The following RALGPS1 variants were observed in gnomAD, a reference collection of about 807,000 sequenced individuals.
RALGPS1 encodes ras-specific guanine nucleotide-releasing factor RalGPS1.
In RALGPS1, 19 loss-of-function variants were observed where a neutral mutation model predicts 78.8. The ratio of observed to expected loss-of-function variants is 0.24; its 90% CI spans 0.17 to 0.35. The LOEUF is 0.35. RALGPS1 is among the 10% of genes least tolerant of loss of function. The probability of loss-of-function intolerance (pLI) is 1.00; values close to 1 mark genes in which losing one functional copy is unlikely to be tolerated. For missense variants in RALGPS1, 454 were observed against 688.3 expected (o/e 0.66, Z 3.81); for synonymous variants, 228 against 256.3 (o/e 0.89, Z 1.06).
intron 8 of RALGPS1, among the ~76,000 whole-genome samples, chr9:127,162,340 TGA>T (rs2059068317): frequency 4.6e-5 from 7 of 152,360 alleles, no homozygotes; most frequent in Admixed American, 6.5e-5. Context: ...GCACTGTGCC[TGA>T]CATGGTACAA....
Position 127,021,497 on chromosome 9 carries a change from C to CAA in RALGPS1, c.217-12920_217-12919dup, listed in dbSNP as rs397690141. Among the ~76,000 whole-genome samples the CAA allele has an allele frequency of 2.4e-3, 273 of 113,502 alleles. 1 individual carries two copies. Among genetic ancestry groups the CAA allele is most frequent in the African/African-American group, 6.7e-3 (175 of 25,948 alleles). The allele number at this position is 113,502 out of a possible 152,430, so 74.5% of individuals were successfully genotyped here. On this transcript the variant is annotated intron_variant, in intron 4 of 18. Transcript: ENST00000259351. The stretch of plus-strand genomic sequence containing the variant: ...TGGGCAACAAAGGGAGACTCTGTCT[C>CAA]AAAAAAAAAAAAAAAGGCATTCAGA...
intron 4 of RALGPS1, among the ~76,000 whole-genome samples, chr9:127,001,389 ACTTCTTTATTGG>A (rs2043296859): frequency 6.6e-6 from 1 of 151,840 alleles, no homozygotes; most frequent in Non-Finnish European, 1.5e-5. Context: ...TTCCACCTTA[ACTTCTTTATTGG>A]CTTATGAGGT....
At chr9:127,115,330 C>T (rs1189244480) in intron 8 of RALGPS1, among the ~76,000 whole-genome samples, 1 of 152,172 alleles carries the variant, frequency 6.6e-6, no homozygotes, top group African/African-American at 2.4e-5. Context: ...GCTAGGATTA[C>T]AGGTGCCTGT....
rs1006704180 is a variant in RALGPS1 at position 126,915,029 on chromosome 9, ACGGGG to A, written c.-66+74_-66+78del. ...AGAGCGGCGGTGAGAGGCGCGGCCG[ACGGGG>A]CGGGGCGGGGCGGGGCGGGCCCTGA... On this transcript the variant is annotated intron_variant, in intron 1 of 18. Transcript: ENST00000259351. 3.2e-4 allele frequency: 46 copies of A among 145,164 alleles called. No individual in the cohort carries two copies. The East Asian group carries it at 3.5e-3, about 11-fold the overall frequency. 9.0% of individuals were successfully genotyped at this position (145,164 alleles called of 1,614,324 possible).
chr9:127,102,336 T>C (rs2053818054), intron 8 of RALGPS1, among the ~76,000 whole-genome samples: 1 of 151,518 alleles, frequency 6.6e-6, no homozygotes, highest in South Asian at 2.1e-4. Flanking sequence ...ACTTTATTTA[T>C]TTTTTTTGTG....
At chr9:127,088,835 C>T in intron 8 of RALGPS1, 1 of 1,356,654 alleles carries the variant, frequency 7.4e-7, no homozygotes, top group Non-Finnish European at 1.0e-6. Context: ...CCGGTCCTCC[C>T]AGCCTCAGGA....
At chr9:126,954,948 G>A (rs1486269104) in intron 1 of RALGPS1, among the ~76,000 whole-genome samples, 6 of 152,192 alleles carry the variant, frequency 3.9e-5, no homozygotes, top group Non-Finnish European at 8.8e-5. Context: ...TCCAGCCATG[G>A]CCTTCTCCCT....
intron 4 of RALGPS1, among the ~76,000 whole-genome samples, chr9:126,979,777 G>A (rs2041069907): frequency 6.6e-6 from 1 of 152,204 alleles, no homozygotes; most frequent in African/African-American, 2.4e-5. Flanking sequence ...GAGTGGAGAT[G>A]TTTTGTTTTC....
At chr9:126,970,329 G>C (rs940808357) in intron 3 of RALGPS1, among the ~76,000 whole-genome samples, 2 of 152,100 alleles carry the variant, frequency 1.3e-5, no homozygotes, top group Admixed American at 1.3e-4. Flanking sequence ...TAAGCACTGG[G>C]GTATTTGATA....
chr9:127,091,550 T>C lies in RALGPS1; in HGVS notation c.610+22194T>C, dbSNP rs2052474435. The C allele has an allele frequency of 9.4e-6, 13 of 1,388,044 alleles. No homozygotes were observed. The highest frequency in any genetic ancestry group is 1.2e-5 in the Non-Finnish European group (12 of 1,025,776). 86.0% of individuals were successfully genotyped at this position (1,388,044 alleles called of 1,614,324 possible). A position where few individuals can be genotyped will look rare whatever the true frequency, so the allele number is the denominator to read the frequency against. Reference sequence around the variant, plus strand: ...GGGGGTGGTAACAGGGTCAGGCAGCTTGGCCCAGCTGCTTCTCACCCTGGG... The same window carrying C: ...GGGGGTGGTAACAGGGTCAGGCAGCCTGGCCCAGCTGCTTCTCACCCTGGG... On this transcript the variant is annotated intron_variant, in intron 8 of 18. Transcript: ENST00000259351. The surrounding 1 kb of genome is among the most constrained non-coding windows in gnomAD (Gnocchi z 4.3).
intron 1 of RALGPS1, among the ~76,000 whole-genome samples, chr9:126,929,246 C>T (rs1269637391): frequency 1.3e-5 from 2 of 152,134 alleles, no homozygotes. Context: ...GGCAAAATTA[C>T]TGGAACACTG....
chr9:127,051,311 A>C (rs918786981), intron 6 of RALGPS1, among the ~76,000 whole-genome samples: 4 of 152,212 alleles, frequency 2.6e-5, no homozygotes, highest in Non-Finnish European at 5.9e-5. Context: ...ATGGAATTCA[A>C]AATGATCCCT....
At chr9:127,068,873 G>C (rs969076092) in intron 7 of RALGPS1, among the ~76,000 whole-genome samples, 1 of 152,170 alleles carries the variant, frequency 6.6e-6, no homozygotes, top group East Asian at 1.9e-4. Flanking sequence ...CTAGAAAAAG[G>C]GTGGTAACTT....
intron 4 of RALGPS1, among the ~76,000 whole-genome samples, chr9:127,030,704 A>G (rs1332572459): frequency 6.6e-6 from 1 of 151,212 alleles, no homozygotes; most frequent in Non-Finnish European, 1.5e-5. Context: ...GGAAGGAGAA[A>G]TTGGAGAGGA....
At position 127,212,813 on chromosome 9, in the gene RALGPS1, G is replaced by T. The variant is rs542429954; in HGVS notation, c.1446+94G>T. 7 of 1,536,530 alleles carry T rather than the reference G, an allele frequency of 4.6e-6. No homozygotes were observed. In the African/African-American group the frequency reaches 8.2e-5, roughly 18 times the overall value. On this transcript the variant is annotated intron_variant, in intron 16 of 18. Coordinates refer to ENST00000259351, the MANE Select transcript of RALGPS1 (RefSeq NM_014636.3). The surrounding 1 kb of genome is among the most constrained non-coding windows in gnomAD (Gnocchi z 6.0). Reference sequence around the variant, plus strand: ...GAGGATGGGGGTGGGAAAGGGATCTGTGTGAACTGCGGAGGATGCAGGTGG... The same window carrying T: ...GAGGATGGGGGTGGGAAAGGGATCTTTGTGAACTGCGGAGGATGCAGGTGG...
intron 8 of RALGPS1, among the ~76,000 whole-genome samples, chr9:127,100,438 G>A (rs1014955122): frequency 4.6e-5 from 7 of 152,122 alleles, no homozygotes; most frequent in East Asian, 1.9e-4. Context: ...GCATTGCGTC[G>A]CTCTTAGGTT....
At chr9:126,996,827 A>C (rs2133392623) in intron 4 of RALGPS1, among the ~76,000 whole-genome samples, 1 of 152,344 alleles carries the variant, frequency 6.6e-6, no homozygotes, top group East Asian at 1.9e-4. Context: ...CAAAAAGCTT[A>C]TCCACCATGA....
intron 8 of RALGPS1, among the ~76,000 whole-genome samples, chr9:127,095,892 G>T (rs2053074049): frequency 6.6e-6 from 1 of 152,232 alleles, no homozygotes; most frequent in South Asian, 2.1e-4. Flanking sequence ...CTGACGGGAA[G>T]GCAGGGGCTG....
chr9:126,937,128 G>A (rs928721952), intron 1 of RALGPS1, among the ~76,000 whole-genome samples: 3 of 152,188 alleles, frequency 2.0e-5, no homozygotes, highest in African/African-American at 7.2e-5. Flanking sequence ...GGGATTACAG[G>A]CATGAGCCAC....
Sources: gnomAD v4.1 joint callset for allele counts (sites outside exome capture counted in the v4.1 genomes callset) on GRCh38, gnomAD v4.1.1 for gene constraint, Gnocchi (gnomAD v3.1) non-coding constraint, MANE v1.5 for transcripts, NCBI Gene and HGNC (gene_info 2026-07-23, HGNC 2026-07-21) for gene names.